Variants in EGF observed in about 807,000 individuals in gnomAD.
EGF encodes the protein pro-epidermal growth factor.
Under a neutral mutation model 143.8 loss-of-function variants are expected in EGF, and 95 were observed. The ratio of observed to expected loss-of-function variants is 0.66; its 90% confidence interval spans 0.56 to 0.78. The LOEUF (loss-of-function observed/expected upper bound fraction) is 0.78, where lower values mean the gene tolerates loss of function less well. EGF is among the 30% of genes least tolerant of loss of function. The pLI, the probability that EGF is intolerant of heterozygous loss-of-function variation, is 0.00. For missense variants in EGF, 1,320 were observed against 1,470.9 expected, an observed-to-expected ratio of 0.90 and a Z score of 1.68; for synonymous variants, 510 against 510.5, an observed-to-expected ratio of 1.00 and a Z score of 0.01.
chr4:109,987,702 T>G, intron 16 of EGF, 42 bp from the exon 17 acceptor site: 1 of 1,524,922 alleles, frequency 6.6e-7, no homozygotes, highest in East Asian at 2.2e-5. Flanking sequence ...TTTTCTTCTC[T>G]AAGGTCTAGA....
intron 1 of EGF, among the ~76,000 whole-genome samples, chr4:109,929,470 G>A (rs902786662): frequency 1.9e-4 from 29 of 152,132 alleles, no homozygotes; most frequent in African/African-American, 6.3e-4. Context: ...GAGTGTTAGA[G>A]TGTGGAATAG....
chr4:109,984,501 A>G (rs1749847049), intron 16 of EGF, among the ~76,000 whole-genome samples: 1 of 152,178 alleles, frequency 6.6e-6, no homozygotes, highest in African/African-American at 2.4e-5. Flanking sequence ...GATTGATTCC[A>G]GGATTCCCAA....
In EGF at chr4:109,937,838, G is replaced by T. The variant is rs559408875; in HGVS notation, c.128-3108G>T. 3.9e-5 allele frequency among the ~76,000 whole-genome samples: 6 copies of T among 152,188 alleles called. No homozygotes were observed. The East Asian group carries it at 9.7e-4, about 25-fold the overall frequency. ...TTTTCTTTAAGAATGTTGAATATTG[G>T]CCCCCACTCTCTTCTGGCTGTAGGA... On this transcript the variant is annotated intron_variant, in intron 1 of 23. Coordinates refer to ENST00000265171, the MANE Select transcript of EGF (RefSeq NM_001963.6).
In EGF at chr4:110,001,340, T is replaced by C. The variant is rs2282786; in HGVS notation, c.3173+1494T>C. The stretch of plus-strand genomic sequence containing the variant: ...CTGTAACCTTCCCCCAAAAGAGTCA[T>C]ATGCTCTAAGCCCTTTTCTACCACC... On this transcript the variant is annotated intron_variant, in intron 21 of 23. Coordinates refer to ENST00000265171, the MANE Select transcript of EGF (RefSeq NM_001963.6). Among the ~76,000 whole-genome samples, 2,169 of 152,328 alleles carry C rather than the reference T, an allele frequency of 0.014. 226 individuals carry two copies. In the East Asian group the frequency reaches 0.24, roughly 17 times the overall value.
intron 20 of EGF, among the ~76,000 whole-genome samples, chr4:109,998,593 G>A (rs1752138388): frequency 6.6e-6 from 1 of 152,218 alleles, no homozygotes; most frequent in Non-Finnish European, 1.5e-5. Context: ...TGGTTAACAA[G>A]TACTAATCCA....
intron 1 of EGF, among the ~76,000 whole-genome samples, chr4:109,920,611 T>A (rs758008076): frequency 2.6e-4 from 39 of 151,756 alleles, no homozygotes; most frequent in Middle Eastern, 3.4e-3. Flanking sequence ...AGTGCTTAGT[T>A]TAATTATTAC....
intron 12 of EGF, among the ~76,000 whole-genome samples, chr4:109,975,757 A>G (rs1262900630): frequency 3.3e-5 from 5 of 152,186 alleles, no homozygotes; most frequent in South Asian, 2.1e-4. Flanking sequence ...CAATTTTTAA[A>G]CCAATTTCTT....
At chr4:110,001,506 C>A in intron 21 of EGF, 1 of 469,882 alleles carries the variant, frequency 2.1e-6, no homozygotes, top group Non-Finnish European at 2.8e-6. Context: ...TGGTTCATCC[C>A]ATTGGATCAT....
intron 1 of EGF, among the ~76,000 whole-genome samples, chr4:109,915,211 T>A (rs2082604745): frequency 6.6e-6 from 1 of 152,164 alleles, no homozygotes; most frequent in Non-Finnish European, 1.5e-5. Context: ...ACCACAGGTT[T>A]TAGAAACAAA....
chr4:109,995,136 A>T (rs905795592), intron 20 of EGF, among the ~76,000 whole-genome samples: 2 of 152,144 alleles, frequency 1.3e-5, no homozygotes, highest in African/African-American at 4.8e-5. Context: ...AAATAATTTG[A>T]TGTTACTACT....
intron 5 of EGF, among the ~76,000 whole-genome samples, chr4:109,957,499 C>G (rs1191008543): frequency 6.6e-6 from 1 of 152,166 alleles, no homozygotes; most frequent in Non-Finnish European, 1.5e-5. Flanking sequence ...CAAGATGTTG[C>G]CCAATTCATG....
intron 12 of EGF, among the ~76,000 whole-genome samples, chr4:109,975,410 G>C (rs1417126208): frequency 6.6e-6 from 1 of 152,094 alleles, no homozygotes; most frequent in Non-Finnish European, 1.5e-5. Context: ...AATTGATTTG[G>C]AGCCAGCCAA....
In EGF at chr4:110,011,227, G is replaced by T. The variant is rs1230528773; in HGVS notation, c.3396G>T (p.Arg1132Ser). Reference sequence around the variant, plus strand: ...GGTCAATGCAACCAACTTCATGGAGGCAGGAGCCCCAGTTATGTGGAATGG... The same window carrying T: ...GGTCAATGCAACCAACTTCATGGAGTCAGGAGCCCCAGTTATGTGGAATGG... ...ADGSMQPTSWRQEPQLCGMGT... is the reference protein window; with the variant it reads ...ADGSMQPTSWSQEPQLCGMGT... Residue 1132 changes from arginine to serine, a missense_variant, in exon 24 of 24, where the codon AGG becomes AGT. Arg to Ser is a moderately radical substitution (Grantham distance 110). Transcript: ENST00000265171. The T allele has an allele frequency of 1.2e-6, 2 of 1,613,492 alleles. No homozygotes were observed.
intron 1 of EGF, among the ~76,000 whole-genome samples, chr4:109,922,459 C>T (rs193256910): frequency 5.3e-5 from 8 of 151,656 alleles, no homozygotes; most frequent in Non-Finnish European, 1.0e-4. Flanking sequence ...AAATATATAG[C>T]GCATGACATC....
At chr4:109,922,095 T>G (rs1361994688) in intron 1 of EGF, among the ~76,000 whole-genome samples, 1 of 151,564 alleles carries the variant, frequency 6.6e-6, no homozygotes, top group East Asian at 1.9e-4. Flanking sequence ...AACTTCTCCT[T>G]GGTGTGCAAG....
rs373503664 is a variant in EGF at position 109,926,521 on chromosome 4, A to AT, written c.127+13068dup. 2.8e-3 allele frequency among the ~76,000 whole-genome samples: 418 copies of AT among 150,652 alleles called. 3 individuals carry two copies. The highest frequency in any genetic ancestry group is 9.3e-3 in the African/African-American group (384 of 41,136). On this transcript the variant is annotated intron_variant, in intron 1 of 23. Transcript: ENST00000265171. ...AGGCGCCCGCCACCACACCCGGCTAATTTTTTTTTGTATTTTTAGTAGAGA... is the reference window on the plus strand; with the variant it reads ...AGGCGCCCGCCACCACACCCGGCTAATTTTTTTTTTGTATTTTTAGTAGAGA...
At chr4:109,969,543 G>A (rs1427527195) in intron 11 of EGF, among the ~76,000 whole-genome samples, 2 of 151,858 alleles carry the variant, frequency 1.3e-5, no homozygotes, top group African/African-American at 4.8e-5. Flanking sequence ...CATGGCACAT[G>A]TATATCTATG....
chr4:109,938,744 T>G (rs1741362385), intron 1 of EGF, among the ~76,000 whole-genome samples: 1 of 152,220 alleles, frequency 6.6e-6, no homozygotes, highest in Admixed American at 6.5e-5. Flanking sequence ...TTCATTTCTG[T>G]TTGTTAGTTT....
chr4:109,944,052 T>C lies in EGF; in HGVS notation c.720T>C (p.Ile240=), dbSNP rs200702456. The part of the protein sequence containing the change: ...SCDYDGGSVH[I]SKHPTQHNLF... ...ATTATGATGGAGGTTCTGTCCACAT[T>C]AGTAAACATCCAACACAGTAAGTTT... Residue 240 remains isoleucine, a synonymous_variant, in exon 4 of 24, where the codon ATT becomes ATC. Transcript: ENST00000265171. 263 of 1,614,130 alleles carry C rather than the reference T, an allele frequency of 1.6e-4. 2 individuals are homozygous for C. In the Admixed American group the frequency reaches 4.3e-3, roughly 27 times the overall value.
Sources: gnomAD v4.1 joint callset for allele counts (sites outside exome capture counted in the v4.1 genomes callset) on GRCh38, gnomAD v4.1.1 for gene constraint, MANE v1.5 for transcripts, NCBI Gene and HGNC (gene_info 2026-07-23, HGNC 2026-07-21) for gene names.